The following ANO3 variants were observed in gnomAD, a reference collection of about 807,000 sequenced individuals.
ANO3 encodes anoctamin 3, also known as anoctamin-3.
Under a neutral mutation model 144.8 loss-of-function variants are expected in ANO3, and 99 were observed. The ratio of observed to expected loss-of-function variants is 0.68; its 90% CI spans 0.58 to 0.81. The LOEUF (loss-of-function observed/expected upper bound fraction) is 0.81, where lower values mean the gene tolerates loss of function less well. Ranked by LOEUF, ANO3 falls within the 30% of genes least tolerant of loss-of-function variation. The pLI is 0.00. For synonymous variants in ANO3, 414 were observed against 392.6 expected, an observed-to-expected ratio of 1.05 and a Z score of -0.64; for missense variants, 905 against 1,202.2, an observed-to-expected ratio of 0.75 and a Z score of 3.66.
intron 3 of ANO3, among the ~76,000 whole-genome samples, chr11:26,454,222 A>T (rs1859058351): frequency 6.6e-6 from 1 of 152,230 alleles, no homozygotes; most frequent in South Asian, 2.1e-4. Flanking sequence ...GGAATAACTA[A>T]AATCAGAGCA....
chr11:26,606,234 G>A (rs1265678217), intron 17 of ANO3, among the ~76,000 whole-genome samples: 2 of 152,156 alleles, frequency 1.3e-5, no homozygotes, highest in Non-Finnish European at 2.9e-5. Context: ...TAGTTGTGTG[G>A]TTTTGAGCGA....
chr11:26,413,236 C>A (rs1163781068), intron 1 of ANO3, among the ~76,000 whole-genome samples: 1 of 151,946 alleles, frequency 6.6e-6, no homozygotes, highest in Non-Finnish European at 1.5e-5. Context: ...TTCAATCACA[C>A]CCTTTTGCAA....
At chr11:26,237,973 G>A (rs1852572667) in intron 1 of ANO3, among the ~76,000 whole-genome samples, 1 of 152,030 alleles carries the variant, frequency 6.6e-6, no homozygotes, top group East Asian at 1.9e-4. Context: ...ATCTGGGTCT[G>A]GAAGACAAAA....
At chr11:26,291,982 C>T (rs10834953) in intron 1 of ANO3, among the ~76,000 whole-genome samples, 20,821 of 152,048 alleles carry the variant, frequency 0.14, 1,419 homozygotes, top group Non-Finnish European at 0.15. Flanking sequence ...GAAGTTCTCC[C>T]GGGTAATATC....
At chr11:26,568,424 A>T (rs559984430) in intron 14 of ANO3, among the ~76,000 whole-genome samples, 22 of 151,482 alleles carry the variant, frequency 1.5e-4, no homozygotes, top group African/African-American at 5.3e-4. Flanking sequence ...TTGCAAAGGA[A>T]TATAGAATTT....
chr11:26,445,826 T>TA (rs546223322), intron 3 of ANO3, among the ~76,000 whole-genome samples: 3 of 151,644 alleles, frequency 2.0e-5, no homozygotes, highest in Admixed American at 6.6e-5. Flanking sequence ...ATTATTTTAT[T>TA]TTATTATTAT....
At chr11:26,631,105 A>T (rs935591512) in intron 18 of ANO3, among the ~76,000 whole-genome samples, 1 of 151,944 alleles carries the variant, frequency 6.6e-6, no homozygotes, top group African/African-American at 2.4e-5. Flanking sequence ...TAACTTGTCA[A>T]CTGAAAATTA....
chr11:26,407,047 G>GTGT (rs750818901), intron 1 of ANO3, among the ~76,000 whole-genome samples: 6 of 108,370 alleles, frequency 5.5e-5, no homozygotes, highest in African/African-American at 1.9e-4. Flanking sequence ...TATATATATG[G>GTGT]GTGTGTGTGT....
At chr11:26,471,488 A>G (rs1381623777) in intron 4 of ANO3, among the ~76,000 whole-genome samples, 1 of 151,982 alleles carries the variant, frequency 6.6e-6, no homozygotes, top group African/African-American at 2.4e-5. Flanking sequence ...GGATCAAATA[A>G]TAATAAGTAG....
intron 1 of ANO3, among the ~76,000 whole-genome samples, chr11:26,291,756 T>A (rs1362471962): frequency 6.6e-6 from 1 of 152,232 alleles, no homozygotes; most frequent in Non-Finnish European, 1.5e-5. Flanking sequence ...TTCTGGCTTG[T>A]AGAGTTTCTG....
At chr11:26,367,364 T>C (rs1383122668) in intron 1 of ANO3, among the ~76,000 whole-genome samples, 10 of 152,208 alleles carry the variant, frequency 6.6e-5, no homozygotes, top group African/African-American at 2.2e-4. Context: ...ACATAACATA[T>C]GTGACTATTG....
intron 10 of ANO3, among the ~76,000 whole-genome samples, chr11:26,541,356 G>A (rs1849639073): frequency 6.6e-6 from 1 of 152,020 alleles, no homozygotes; most frequent in African/African-American, 2.4e-5. Context: ...ATGACAGATT[G>A]CAGGGTGCAG....
At chr11:26,374,936 G>T (rs1038364960) in intron 1 of ANO3, among the ~76,000 whole-genome samples, 1 of 152,070 alleles carries the variant, frequency 6.6e-6, no homozygotes, top group Admixed American at 6.6e-5. Context: ...TAGAGACAGG[G>T]TTTCACCATG....
intron 1 of ANO3, among the ~76,000 whole-genome samples, chr11:26,431,381 T>C (rs573490088): frequency 1.3e-5 from 2 of 152,350 alleles, no homozygotes; most frequent in African/African-American, 4.8e-5. Context: ...ATAACTCAGG[T>C]AGTGAGCAAC....
intron 1 of ANO3, among the ~76,000 whole-genome samples, chr11:26,429,491 T>C (rs34125958): frequency 0.017 from 2,510 of 145,912 alleles, 32 homozygotes; most frequent in Non-Finnish European, 0.026. Flanking sequence ...ATGTAGAGAA[T>C]GAAGTAAATA....
At chr11:26,404,808 C>G (rs1857234262) in intron 1 of ANO3, among the ~76,000 whole-genome samples, 1 of 151,462 alleles carries the variant, frequency 6.6e-6, no homozygotes, top group African/African-American at 2.4e-5. Flanking sequence ...AAAATATGAA[C>G]TACTTAAAGG....
intron 1 of ANO3, among the ~76,000 whole-genome samples, chr11:26,416,619 G>T (rs1462763991): frequency 6.6e-6 from 1 of 151,864 alleles, no homozygotes. Context: ...TAGAGATGGG[G>T]TTTCACCATG....
chr11:26,426,101 CTG>C (rs972494926), intron 1 of ANO3, among the ~76,000 whole-genome samples: 1 of 151,958 alleles, frequency 6.6e-6, no homozygotes, highest in Non-Finnish European at 1.5e-5. Context: ...ATATAAAATA[CTG>C]TGTGTGTGTC....
At chr11:26,190,337 T>C (rs184640680) in intron 1 of ANO3, among the ~76,000 whole-genome samples, 8 of 152,276 alleles carry the variant, frequency 5.3e-5, no homozygotes, top group African/African-American at 1.9e-4. Flanking sequence ...ATGAGTTGTT[T>C]TACAGTATAA....
Sources: allele counts gnomAD v4.1 joint callset (sites outside exome capture counted in the v4.1 genomes callset), GRCh38; gene constraint gnomAD v4.1.1; transcripts MANE v1.5; gene names NCBI Gene and HGNC (gene_info 2026-07-23, HGNC 2026-07-21).